RAD9B: variants seen among roughly 807,000 people sequenced by gnomAD.
RAD9B encodes the protein cell cycle checkpoint control protein RAD9B.
Under a neutral mutation model 48.3 loss-of-function variants are expected in RAD9B, and 41 were observed. The observed-to-expected ratio is 0.85, with a 90% confidence interval of 0.66 to 1.10. RAD9B has a LOEUF of 1.10. Among genes scored for constraint, RAD9B ranks in the 50% least tolerant of loss-of-function variants. RAD9B has a pLI of 0.00. For missense variants in RAD9B, 444 were observed against 485.1 expected, an observed-to-expected ratio of 0.92 and a Z score of 0.80; for synonymous variants, 160 against 157.9, an observed-to-expected ratio of 1.01 and a Z score of -0.10.
At chr12:110,513,428 A>G (rs910110440) in intron 5 of RAD9B, among the ~76,000 whole-genome samples, 34 of 152,220 alleles carry the variant, frequency 2.2e-4, no homozygotes, top group East Asian at 1.2e-3. Context: ...GTGGCTTTCT[A>G]TATCAAGTTG....
rs1310887929 is a variant in RAD9B, at chr12:110,531,731, T to C, written c.*1078T>C. The C allele has an allele frequency of 8.8e-7, 1 of 1,131,714 alleles. No homozygotes were observed. The highest frequency in any genetic ancestry group is 1.3e-6 in the Non-Finnish European group (1 of 787,532). 70.1% of individuals were successfully genotyped at this position (1,131,714 alleles called of 1,614,324 possible). ...TTTGGCCCTTTAAGAGTTAGCTTTT[T>C]ACCTGCACAAATGGACTAAAAAATC... On this transcript the variant is annotated 3_prime_UTR_variant, in exon 11 of 11. Transcript: ENST00000409300.
chr12:110,504,143 T>C (rs560918113), intron 2 of RAD9B, among the ~76,000 whole-genome samples: 1 of 152,116 alleles, frequency 6.6e-6, no homozygotes, highest in East Asian at 1.9e-4. Flanking sequence ...GCACTGTTTT[T>C]TTTTTTTTTT....
At chr12:110,527,709 G>C (rs143495258) in intron 10 of RAD9B, among the ~76,000 whole-genome samples, 174 of 152,288 alleles carry the variant, frequency 1.1e-3, no homozygotes, top group Non-Finnish European at 1.7e-3. Flanking sequence ...CTAGGGTATA[G>C]GTATAACATG....
chr12:110,505,650 G>A lies in RAD9B; in HGVS notation c.151G>A (p.Ala51Thr), dbSNP rs766060264. ...AAGATGTGTGAATTCTTCTCGGTCA[G>A]CATATGGATGTGTCCTGTTCTCTCC... is the stretch of plus-strand genomic sequence containing the variant. Reference protein sequence around the residue: ...ALRCVNSSRSAYGCVLFSPVF... With the variant: ...ALRCVNSSRSTYGCVLFSPVF... Residue 51 changes from alanine to threonine, a missense_variant, in exon 3 of 11, where the codon GCA becomes ACA. Physicochemically the swap from Ala to Thr is moderately conservative, Grantham distance 58. Transcript: ENST00000409300. 7 of 1,571,162 alleles carry A rather than the reference G, an allele frequency of 4.5e-6. No homozygotes were observed. Among genetic ancestry groups the A allele is most frequent in the Non-Finnish European group, 5.2e-6 (6 of 1,156,792 alleles).
intron 10 of RAD9B, among the ~76,000 whole-genome samples, chr12:110,528,958 G>A (rs927921635): frequency 1.3e-5 from 2 of 151,734 alleles, no homozygotes; most frequent in Non-Finnish European, 2.9e-5. Flanking sequence ...GAACTCCTGA[G>A]CTCAGGTGAT....
chr12:110,524,125 C>T (rs923776227), intron 10 of RAD9B, among the ~76,000 whole-genome samples: 5 of 152,164 alleles, frequency 3.3e-5, no homozygotes, highest in Admixed American at 6.5e-5. Flanking sequence ...TCTCTTACCA[C>T]GTATTAACTG....
intron 10 of RAD9B, among the ~76,000 whole-genome samples, chr12:110,529,386 C>T (rs1032924554): frequency 4.6e-5 from 7 of 151,910 alleles, no homozygotes; most frequent in Admixed American, 1.3e-4. Flanking sequence ...CTCAGGTGAT[C>T]CACCTGCCTC....
chr12:110,502,723 G>T, intron 1 of RAD9B: 1 of 208,278 alleles, frequency 4.8e-6, no homozygotes, highest in Non-Finnish European at 9.6e-6. Context: ...CAAGAGAACA[G>T]CATTAACCTG....
In RAD9B at chr12:110,531,785, T is replaced by TATG. The variant is rs1335428837; in HGVS notation, c.*1136_*1138dup. On this transcript the variant is annotated 3_prime_UTR_variant, in exon 11 of 11. Transcript: ENST00000409300. Reference sequence around the variant, plus strand: ...CACAAAACATTGTTATGTAATGTCTTATGATGTGTGCCTCTCCCTCCCCCA... The same window carrying TATG: ...CACAAAACATTGTTATGTAATGTCTTATGATGATGTGTGCCTCTCCCTCCCCCA... 7.7e-6 allele frequency: 5 copies of TATG among 651,704 alleles called. No homozygotes were observed. The highest frequency in any genetic ancestry group is 1.3e-5 in the Non-Finnish European group (5 of 384,722). The allele number at this position is 651,704 out of a possible 1,614,324, so 40.4% of individuals were successfully genotyped here.
chr12:110,521,387 C>T (rs1207588341), intron 9 of RAD9B, among the ~76,000 whole-genome samples: 2 of 151,954 alleles, frequency 1.3e-5, no homozygotes, highest in African/African-American at 4.8e-5. Flanking sequence ...CTCCTGGGCT[C>T]AAGCAGTCTA....
intron 4 of RAD9B, 92 bp downstream of exon 4, chr12:110,506,785 G>A (rs546207719): frequency 1.0e-5 from 7 of 677,262 alleles, no homozygotes; most frequent in African/African-American, 9.1e-5. Flanking sequence ...AAGATTTCTC[G>A]TTACATTATT....
At chr12:110,516,563 G>A (rs1016565463) in intron 6 of RAD9B, among the ~76,000 whole-genome samples, 1 of 151,924 alleles carries the variant, frequency 6.6e-6, no homozygotes, top group African/African-American at 2.4e-5. Context: ...TGTAATCCCA[G>A]CACTTTGGGA....
rs1335248709 is a variant in RAD9B, at chr12:110,505,718, G to A, written c.219G>A (p.Met73Ile). ...QHYQWSALVKMSENELDTTLH... is the reference protein window; with the variant it reads ...QHYQWSALVKISENELDTTLH... ...ATCAATGGTCAGCTTTAGTGAAAAT[G>A]AGTGAAAATGAACTTGACACAACAC... The change falls in exon 3 of 11, where the codon ATG (methionine) becomes ATA (isoleucine). Residue 73 changes from methionine (M) to isoleucine (I), a missense_variant. Coordinates refer to ENST00000409300, the MANE Select transcript of RAD9B (RefSeq NM_001286535.2). 5 of 1,609,832 alleles carry A rather than the reference G, an allele frequency of 3.1e-6. No homozygotes were observed. The highest frequency in any genetic ancestry group is 1.1e-5 in the South Asian group (1 of 90,034).
chr12:110,505,424 A>G (rs2063233204), intron 2 of RAD9B, among the ~76,000 whole-genome samples, 193 bp from the exon 3 acceptor site: 1 of 152,122 alleles, frequency 6.6e-6, no homozygotes, highest in Non-Finnish European at 1.5e-5. Flanking sequence ...TTATGTAAAG[A>G]AAGTTTATTT....
In RAD9B at chr12:110,533,119, C is replaced by G. The variant is rs1237745345; in HGVS notation, c.*2466C>G. 1.3e-5 allele frequency: 2 copies of G among 152,158 alleles called. No homozygotes were observed. The highest frequency in any genetic ancestry group is 6.5e-5 in the Admixed American group (1 of 15,282). The allele number at this position is 152,158 out of a possible 1,614,324, so 9.4% of individuals were successfully genotyped here. A position where few individuals can be genotyped will look rare whatever the true frequency, so the allele number is the denominator to read the frequency against. Reference sequence around the variant, plus strand: ...AAGCAGCTGGAGCCAGTTAAAGTAGCAGCATATAATCAGTGCTAGAATGAC... The same window carrying G: ...AAGCAGCTGGAGCCAGTTAAAGTAGGAGCATATAATCAGTGCTAGAATGAC... On this transcript the variant is annotated 3_prime_UTR_variant, in exon 11 of 11. Transcript: ENST00000409300.
chr12:110,530,403 C>T lies in RAD9B; in HGVS notation c.1126-122C>T, dbSNP rs531136144. The T allele has an allele frequency of 1.0e-3, 903 of 886,698 alleles. 14 individuals carry two copies. In the South Asian group the frequency reaches 0.013, roughly 13 times the overall value. 54.9% of individuals were successfully genotyped at this position (886,698 alleles called of 1,614,324 possible). A position where few individuals can be genotyped will look rare whatever the true frequency, so the allele number is the denominator to read the frequency against. On this transcript the variant is annotated intron_variant, in intron 10 of 10. Coordinates refer to ENST00000409300, the MANE Select transcript of RAD9B (RefSeq NM_001286535.2). ...TGAAGGTTCTGGGTGTTCTGTGAAC[C>T]ATCACCAGCAAAGACAGGGATATAA...
Position 110,532,958 on chromosome 12 carries a change from ACAG to A in RAD9B, c.*2309_*2311del, listed in dbSNP as rs1232806391. On this transcript the variant is annotated 3_prime_UTR_variant, in exon 11 of 11. Coordinates refer to ENST00000409300, the MANE Select transcript of RAD9B (RefSeq NM_001286535.2). Reference sequence around the variant, plus strand: ...TCTGTTAAACAACACGACTGACTGTACAGCAGATTTTTTTTGTAGCTTCCCTCT... The same window carrying A: ...TCTGTTAAACAACACGACTGACTGTACAGATTTTTTTTGTAGCTTCCCTCT... Among the ~76,000 whole-genome samples, 2 of 152,224 alleles carry A rather than the reference ACAG, an allele frequency of 1.3e-5. No homozygotes were observed. The highest frequency in any genetic ancestry group is 2.9e-5 in the Non-Finnish European group (2 of 68,040).
chr12:110,530,641 C>A lies in RAD9B; in HGVS notation c.1242C>A (p.Phe414Leu). Residue 414 changes from phenylalanine (F) to leucine (L), a missense_variant, in exon 11 of 11, where the codon TTC becomes TTA. Physicochemically the swap from Phe to Leu is conservative, Grantham distance 22. Transcript: ENST00000409300. ...AAGAGGACATGAATAATGGCAGTTTCTCTATATTCTAATGCTTAATGATGG... is the reference window on the plus strand; with the variant it reads ...AAGAGGACATGAATAATGGCAGTTTATCTATATTCTAATGCTTAATGATGG... ...DSEEDMNNGS[F>L]SIF is the part of the protein sequence containing the mutation. 1 of 1,613,914 alleles carries A rather than the reference C, an allele frequency of 6.2e-7. No individual in the cohort carries two copies. Among genetic ancestry groups the A allele is most frequent in the Non-Finnish European group, 8.5e-7 (1 of 1,179,824 alleles).
At chr12:110,515,382 C>T (rs2063575567) in intron 6 of RAD9B, among the ~76,000 whole-genome samples, 1 of 152,128 alleles carries the variant, frequency 6.6e-6, no homozygotes. Context: ...AGAATGGGGC[C>T]AGGTGCTGTG....
Sources: gnomAD v4.1 joint callset for allele counts (sites outside exome capture counted in the v4.1 genomes callset) on GRCh38, gnomAD v4.1.1 for gene constraint, MANE v1.5 for transcripts, NCBI Gene and HGNC (gene_info 2026-07-23, HGNC 2026-07-21) for gene names.